Variants in CNOT4 observed in about 807,000 individuals in gnomAD.
The protein encoded by CNOT4 is CCR4-associated factor 4.
Under a neutral mutation model 73.8 loss-of-function variants are expected in CNOT4, and 8 were observed. The observed-to-expected ratio is 0.11, with a 90% CI of 0.06 to 0.20. CNOT4 has a LOEUF of 0.20. CNOT4 is among the 10% of genes least tolerant of loss of function. The pLI, the probability that CNOT4 is intolerant of heterozygous loss-of-function variation, is 1.00. For synonymous variants in CNOT4, 293 were observed against 321.1 expected, an observed-to-expected ratio of 0.91 and a Z score of 0.94; for missense variants, 564 against 883.4, an observed-to-expected ratio of 0.64 and a Z score of 4.58.
chr7:135,446,878 T>C (rs901794104), intron 1 of CNOT4, among the ~76,000 whole-genome samples: 11 of 151,854 alleles, frequency 7.2e-5, no homozygotes, highest in Admixed American at 2.6e-4. Context: ...ATAAAAACCA[T>C]ACATGCAATA....
intron 1 of CNOT4, among the ~76,000 whole-genome samples, chr7:135,456,522 A>G (rs754157775): frequency 6.6e-5 from 10 of 152,078 alleles, no homozygotes; most frequent in Non-Finnish European, 1.5e-4. Flanking sequence ...ATGAAATATA[A>G]TCATCCGTCG....
At chr7:135,409,926 C>T (rs1441061735) in intron 7 of CNOT4, among the ~76,000 whole-genome samples, 1 of 151,920 alleles carries the variant, frequency 6.6e-6, no homozygotes, top group African/African-American at 2.4e-5. Context: ...CTACTGAAGA[C>T]CATAAATTTA....
chr7:135,375,876 G>A (rs1795488505), intron 10 of CNOT4, among the ~76,000 whole-genome samples: 1 of 152,130 alleles, frequency 6.6e-6, no homozygotes, highest in Non-Finnish European at 1.5e-5. Context: ...AGTGAGCCGA[G>A]ATCGTGCCAT....
At chr7:135,451,427 G>A (rs1168046625) in intron 1 of CNOT4, among the ~76,000 whole-genome samples, 1 of 152,074 alleles carries the variant, frequency 6.6e-6, no homozygotes, top group Non-Finnish European at 1.5e-5. Flanking sequence ...CCTAGTAGCT[G>A]GGATTACAGG....
chr7:135,402,035 T>C (rs1057385060), intron 7 of CNOT4, among the ~76,000 whole-genome samples: 5 of 151,260 alleles, frequency 3.3e-5, no homozygotes, highest in African/African-American at 9.8e-5. Flanking sequence ...TGTATTTTCA[T>C]ACAAACGATC....
chr7:135,425,505 A>G (rs1273979630), intron 2 of CNOT4, among the ~76,000 whole-genome samples: 2 of 152,160 alleles, frequency 1.3e-5, no homozygotes, highest in Non-Finnish European at 2.9e-5. Flanking sequence ...ATGTTATTCC[A>G]AGTTTTGTTC....
chr7:135,385,543 A>T (rs1335468992), intron 10 of CNOT4, among the ~76,000 whole-genome samples: 1 of 152,224 alleles, frequency 6.6e-6, no homozygotes, highest in Non-Finnish European at 1.5e-5. Flanking sequence ...GAACACCTAC[A>T]CAGAAGGCTG....
chr7:135,469,556 C>T (rs1322375879), intron 1 of CNOT4, among the ~76,000 whole-genome samples: 1 of 152,036 alleles, frequency 6.6e-6, no homozygotes, highest in Non-Finnish European at 1.5e-5. Context: ...ACTTCCATGG[C>T]TTTTTTTATA....
chr7:135,492,632 T>C (rs563404316), intron 1 of CNOT4, among the ~76,000 whole-genome samples: 2 of 152,198 alleles, frequency 1.3e-5, no homozygotes, highest in South Asian at 4.2e-4. Flanking sequence ...AATAACAAGG[T>C]ATATGACATG....
intron 4 of CNOT4, 41 bp downstream of exon 4, chr7:135,415,135 G>A (rs1270861337): frequency 1.7e-6 from 2 of 1,189,832 alleles, no homozygotes; most frequent in Non-Finnish European, 2.5e-6. Context: ...GTCAAGCCCA[G>A]ACCATAGGGA....
At chr7:135,478,635 G>A (rs923766278) in intron 1 of CNOT4, among the ~76,000 whole-genome samples, 1 of 152,108 alleles carries the variant, frequency 6.6e-6, no homozygotes, top group East Asian at 1.9e-4. Flanking sequence ...CCCAGGAGGT[G>A]GAGGTTGCAG....
At chr7:135,432,311 C>T (rs913002418) in intron 2 of CNOT4, among the ~76,000 whole-genome samples, 1 of 152,160 alleles carries the variant, frequency 6.6e-6, no homozygotes, top group Non-Finnish European at 1.5e-5. Flanking sequence ...AAAAATATAT[C>T]ATGACCCCTA....
At chr7:135,464,066 A>G (rs1405507445) in intron 1 of CNOT4, among the ~76,000 whole-genome samples, 1 of 151,766 alleles carries the variant, frequency 6.6e-6, no homozygotes, top group African/African-American at 2.4e-5. Flanking sequence ...TTACGAAGAA[A>G]AGGGAACACT....
At chr7:135,445,820 T>C (rs747783821) in intron 1 of CNOT4, among the ~76,000 whole-genome samples, 21 of 152,198 alleles carry the variant, frequency 1.4e-4, no homozygotes, top group Non-Finnish European at 2.4e-4. Context: ...GAAAACACTA[T>C]GCTTTAAGTG....
rs201737184 is a variant in CNOT4, at chr7:135,396,108, T to C, written c.880-225A>G. On this transcript the variant is annotated intron_variant, in intron 8 of 11. Transcript: ENST00000541284. ...CTTGAAAAGATTAAACTAGTCTCCC[T>C]TTTTTTTTTTTTTTTTTTTTTTTTT... 0.02 allele frequency among the ~76,000 whole-genome samples: 111 copies of C among 5,524 alleles called. No homozygotes were observed. In the East Asian group the frequency reaches 0.3, roughly 15 times the overall value. 3.6% of individuals were successfully genotyped at this position (5,524 alleles called of 152,430 possible).
Position 135,365,931 on chromosome 7 carries a change from C to T in CNOT4, c.1628-1865G>A, listed in dbSNP as rs541047785. 7.9e-5 allele frequency among the ~76,000 whole-genome samples: 12 copies of T among 152,296 alleles called. No homozygotes were observed. The South Asian group carries it at 2.3e-3, about 29-fold the overall frequency. On this transcript the variant is annotated intron_variant, in intron 10 of 11. Coordinates refer to ENST00000541284, the MANE Select transcript of CNOT4 (RefSeq NM_001190850.2). ...ACACTCTCAATCACAGTAAGGTTTA[C>T]GGCTATGGTACACTCTAACTTTTAA...
At chr7:135,393,487 G>A (rs1447638316) in intron 10 of CNOT4, among the ~76,000 whole-genome samples, 6 of 152,022 alleles carry the variant, frequency 3.9e-5, no homozygotes, top group Admixed American at 2.6e-4. Flanking sequence ...GCCAAAAGTA[G>A]GTAGAGAGTG....
intron 2 of CNOT4, among the ~76,000 whole-genome samples, chr7:135,428,323 A>G (rs958272377): frequency 6.6e-6 from 1 of 152,218 alleles, no homozygotes. Flanking sequence ...ATAACAAGGA[A>G]GCAGCCACAT....
intron 1 of CNOT4, among the ~76,000 whole-genome samples, chr7:135,443,943 G>T (rs796345400): frequency 6.6e-6 from 1 of 151,930 alleles, no homozygotes; most frequent in Non-Finnish European, 1.5e-5. Context: ...GAGCCCAGGG[G>T]TTCGAGACCA....
Sources: gnomAD v4.1 joint callset for allele counts (sites outside exome capture counted in the v4.1 genomes callset) on GRCh38, gnomAD v4.1.1 for gene constraint, MANE v1.5 for transcripts, NCBI Gene and HGNC (gene_info 2026-07-23, HGNC 2026-07-21) for gene names.